Variants in POU3F3 observed in about 807,000 individuals in gnomAD.
POU3F3 encodes the protein POU class 3 homeobox 3, also known as POU domain, class 3, transcription factor 3.
Under a neutral mutation model 8.6 loss-of-function variants are expected in POU3F3, and 1 was observed. That is an observed-to-expected ratio of 0.12 (90% CI 0.04 to 0.55). POU3F3 has a LOEUF of 0.55. Among genes scored for constraint, POU3F3 ranks in the 20% least tolerant of loss-of-function variants. The pLI is 0.91. For missense variants in POU3F3, 577 were observed against 690.7 expected, an observed-to-expected ratio of 0.84 and a Z score of 1.84; for synonymous variants, 418 against 327.4, an observed-to-expected ratio of 1.28 and a Z score of -2.99.
the POU3F3 span, among the ~76,000 whole-genome samples, chr2:104,921,961 C>G: frequency 6.6e-6 from 1 of 152,186 alleles, no homozygotes; most frequent in African/African-American, 2.4e-5. Flanking sequence ...CACTCCACTG[C>G]ACTCCAGCCT....
At chr2:104,861,848 G>A (rs1440728608), downstream of POU3F3, among the ~76,000 whole-genome samples, 3 of 152,176 alleles carry the variant, frequency 2.0e-5, no homozygotes, top group Non-Finnish European at 2.9e-5. Context: ...CTGGTCTGAG[G>A]GCCTGAAGTT....
the POU3F3 span, among the ~76,000 whole-genome samples, chr2:104,877,655 T>A: frequency 6.6e-6 from 1 of 151,346 alleles, no homozygotes; most frequent in African/African-American, 2.4e-5. Flanking sequence ...TTATTTTCTT[T>A]TTTTCTTTTT....
the POU3F3 span, among the ~76,000 whole-genome samples, chr2:104,870,406 T>C: frequency 6.6e-6 from 1 of 152,226 alleles, no homozygotes; most frequent in Non-Finnish European, 1.5e-5. Context: ...TGCTTGTCAC[T>C]AGCAGCTCAG....
At chr2:104,854,024 C>T (rs1676496412), upstream of POU3F3, among the ~76,000 whole-genome samples, 1 of 152,176 alleles carries the variant, frequency 6.6e-6, no homozygotes, top group African/African-American at 2.4e-5. This position sits in a 1 kb window ranked among gnomAD's most constrained non-coding sequence, Gnocchi z 4.5. Flanking sequence ...AATCACCCAG[C>T]GGGTAGCCAA....
At chr2:104,912,826 C>T in the POU3F3 span, among the ~76,000 whole-genome samples, 1 of 152,202 alleles carries the variant, frequency 6.6e-6, no homozygotes, top group East Asian at 1.9e-4. Context: ...GTCAGCATCC[C>T]TTCTGACTTG....
At chr2:104,925,735 T>C in the POU3F3 span, among the ~76,000 whole-genome samples, 3 of 152,238 alleles carry the variant, frequency 2.0e-5, no homozygotes, top group Non-Finnish European at 2.9e-5. Context: ...CAGAGTTAGA[T>C]AGAAGAATAG....
At chr2:104,901,968 C>T in the POU3F3 span, among the ~76,000 whole-genome samples, 3 of 152,186 alleles carry the variant, frequency 2.0e-5, no homozygotes, top group Non-Finnish European at 4.4e-5. Context: ...AAGGCTTAGA[C>T]TCAGCAGCAA....
At chr2:104,868,848 T>C in the POU3F3 span, among the ~76,000 whole-genome samples, 10 of 152,330 alleles carry the variant, frequency 6.6e-5, no homozygotes, top group African/African-American at 2.2e-4. Context: ...TCAACTCTTC[T>C]AGTCAGGAAG....
the POU3F3 span, chr2:104,866,414 G>C: frequency 6.6e-6 from 1 of 152,184 alleles, no homozygotes; most frequent in Non-Finnish European, 1.5e-5. Flanking sequence ...AAGACCAAAA[G>C]AGAGATCAGT....
chr2:104,870,592 A>G, the POU3F3 span, among the ~76,000 whole-genome samples: 2 of 152,198 alleles, frequency 1.3e-5, no homozygotes, highest in Non-Finnish European at 2.9e-5. Context: ...GAGCTAAACT[A>G]TGGGACAATG....
rs1399084583 is a variant in POU3F3 at position 104,855,969 on chromosome 2, C to T, written c.459C>T (p.Ala153=). The change falls in exon 1 of 1, where the codon GCC becomes GCT. Residue 153 remains alanine, a synonymous_variant. Coordinates refer to ENST00000361360, the MANE Select transcript of POU3F3 (RefSeq NM_006236.3). ...PPQGPDVKGG[A]GRDDLHAGTA... ...AGGGCCCCGACGTGAAGGGCGGCGC[C>T]GGGCGCGACGACCTGCACGCGGGCA... 3.9e-5 allele frequency: 41 copies of T among 1,038,218 alleles called. No individual in the cohort carries two copies. The highest frequency in any genetic ancestry group is 4.7e-5 in the Non-Finnish European group (41 of 865,120). The allele number at this position is 1,038,218 out of a possible 1,614,324, so 64.3% of individuals were successfully genotyped here.
chr2:104,897,363 G>A, the POU3F3 span, among the ~76,000 whole-genome samples: 1 of 152,122 alleles, frequency 6.6e-6, no homozygotes, highest in South Asian at 2.1e-4. Flanking sequence ...CCCAACCCTG[G>A]CAGGTGTTTA....
the POU3F3 span, among the ~76,000 whole-genome samples, chr2:104,918,280 C>T: frequency 6.6e-6 from 1 of 152,128 alleles, no homozygotes; most frequent in Non-Finnish European, 1.5e-5. Context: ...TTCTGGTGAC[C>T]CGTGAACTAA....
At chr2:104,885,675 C>T in the POU3F3 span, among the ~76,000 whole-genome samples, 1 of 152,302 alleles carries the variant, frequency 6.6e-6, no homozygotes, top group Admixed American at 6.5e-5. Context: ...AATTGCTCAC[C>T]CCTCTCCAGG....
At chr2:104,869,162 C>T in the POU3F3 span, among the ~76,000 whole-genome samples, 7 of 152,290 alleles carry the variant, frequency 4.6e-5, no homozygotes, top group East Asian at 7.7e-4. Context: ...TGGCTGCTAG[C>T]GAGAGACCTT....
the POU3F3 span, among the ~76,000 whole-genome samples, chr2:104,927,634 G>GT: frequency 9.7e-6 from 1 of 103,332 alleles, no homozygotes; most frequent in South Asian, 2.9e-4. Context: ...GCATGCACCT[G>GT]TAAGTCTGAA....
the POU3F3 span, among the ~76,000 whole-genome samples, chr2:104,890,212 T>C: frequency 2.6e-5 from 4 of 152,322 alleles, no homozygotes; most frequent in South Asian, 8.3e-4. Context: ...GGGAGGAGCC[T>C]GGCCTCTCCT....
the POU3F3 span, among the ~76,000 whole-genome samples, chr2:104,923,087 G>A: frequency 1.3e-5 from 2 of 152,224 alleles, no homozygotes; most frequent in East Asian, 3.9e-4. Flanking sequence ...GACATTCTCA[G>A]GTAAACAAGA....
chr2:104,908,574 G>A, the POU3F3 span, among the ~76,000 whole-genome samples: 1 of 152,232 alleles, frequency 6.6e-6, no homozygotes, highest in Non-Finnish European at 1.5e-5. Context: ...GGAGTCTGCT[G>A]TGACCTCATG....
Sources: gnomAD v4.1 joint callset for allele counts (sites outside exome capture counted in the v4.1 genomes callset) on GRCh38, gnomAD v4.1.1 for gene constraint, Gnocchi (gnomAD v3.1) non-coding constraint, MANE v1.5 for transcripts, NCBI Gene and HGNC (gene_info 2026-07-23, HGNC 2026-07-21) for gene names.